Variants in MFGE8 observed in about 807,000 individuals in gnomAD.
MFGE8 encodes the protein lactadherin.
In MFGE8, 34 loss-of-function variants were observed where a neutral mutation model predicts 42.6. The ratio of observed to expected loss-of-function variants is 0.80; its 90% CI spans 0.61 to 1.06. The LOEUF is 1.06. Among genes scored for constraint, MFGE8 ranks in the 50% least tolerant of loss-of-function variants. MFGE8 has a pLI of 0.00. For synonymous variants in MFGE8, 230 were observed against 214.8 expected, an observed-to-expected ratio of 1.07 and a Z score of -0.62; for missense variants, 510 against 516.9, an observed-to-expected ratio of 0.99 and a Z score of 0.13.
At position 88,913,110 on chromosome 15, in the gene MFGE8, C is replaced by G. The variant is rs531683809; in HGVS notation, c.73+137G>C. On this transcript the variant is annotated intron_variant, in intron 1 of 7. Transcript: ENST00000268150. ...TCCCGCCAGGGCGCAGCGGAAGAAG[C>G]CGCCCCTCTGCCCAGCCCGGTCCCC... 660 of 1,320,274 alleles carry G rather than the reference C, an allele frequency of 5.0e-4. 7 individuals are homozygous for G. In the East Asian group the frequency reaches 0.017, roughly 34 times the overall value. 81.8% of individuals were successfully genotyped at this position (1,320,274 alleles called of 1,614,324 possible).
chr15:88,899,574 C>G lies in MFGE8; in HGVS notation c.1027-42G>C, dbSNP rs765098768. The G allele has an allele frequency of 1.2e-6, 2 of 1,614,164 alleles. No homozygotes were observed. Among genetic ancestry groups the G allele is most frequent in the East Asian group, 2.2e-5 (1 of 44,882 alleles). On this transcript the variant is annotated intron_variant, in intron 7 of 7. Coordinates refer to ENST00000268150, the MANE Select transcript of MFGE8 (RefSeq NM_005928.4). The surrounding 1 kb of genome is among the most constrained non-coding windows in gnomAD (Gnocchi z 6.8). Reference sequence around the variant, plus strand: ...TGTCAGGAGGACCCCGAGCCAGCCCCCCTCCCCTCAGAGCCCCAGGCCAGA... The same window carrying G: ...TGTCAGGAGGACCCCGAGCCAGCCCGCCTCCCCTCAGAGCCCCAGGCCAGA...
rs562582679 is a variant in MFGE8, at chr15:88,912,167, C to A, written c.73+1080G>T. 1.5e-4 allele frequency: 197 copies of A among 1,289,854 alleles called. 1 individual carries two copies. Among genetic ancestry groups the A allele is most frequent in the South Asian group, 1.0e-3 (81 of 81,028 alleles). The allele number at this position is 1,289,854 out of a possible 1,614,324, so 79.9% of individuals were successfully genotyped here. On this transcript the variant is annotated intron_variant, in intron 1 of 7. Coordinates refer to ENST00000268150, the MANE Select transcript of MFGE8 (RefSeq NM_005928.4). ...TGGTGTTTCCTCCTTCTGGAAAAGG[C>A]CACATCACCCTGTATAAAAACATCT...
At chr15:88,912,313 G>T (rs1037726047) in intron 1 of MFGE8, 17 of 1,272,732 alleles carry the variant, frequency 1.3e-5, no homozygotes, top group Non-Finnish European at 1.6e-5. Context: ...TTTCATGGTG[G>T]CCGGGGAGGG....
In MFGE8 at chr15:88,902,060, A is replaced by C; in HGVS notation, c.686-325T>G. 2.6e-6 allele frequency: 1 copy of C among 380,782 alleles called. No homozygotes were observed. Among genetic ancestry groups the C allele is most frequent in the Non-Finnish European group, 5.0e-6 (1 of 198,032 alleles). The allele number at this position is 380,782 out of a possible 1,614,324, so 23.6% of individuals were successfully genotyped here. A position where few individuals can be genotyped will look rare whatever the true frequency, so the allele number is the denominator to read the frequency against. ...TCCTTCAATGCCTGACTTTGGAGAC[A>C]CCTCCTCCAAGAAGTCTGCCCTGAC... On this transcript the variant is annotated intron_variant, in intron 5 of 7. Coordinates refer to ENST00000268150, the MANE Select transcript of MFGE8 (RefSeq NM_005928.4). The surrounding 1 kb of genome is among the most constrained non-coding windows in gnomAD (Gnocchi z 4.3).
rs938554056 is a variant in MFGE8, at chr15:88,898,749, G to C, written c.*646C>G. Reference sequence around the variant, plus strand: ...TCCTCTGGGGTGAAAAGCCAGCATAGAGGGCCCCAAACGCCCACCCTGCCA... The same window carrying C: ...TCCTCTGGGGTGAAAAGCCAGCATACAGGGCCCCAAACGCCCACCCTGCCA... On this transcript the variant is annotated 3_prime_UTR_variant, in exon 8 of 8. Coordinates refer to ENST00000268150, the MANE Select transcript of MFGE8 (RefSeq NM_005928.4). The C allele has an allele frequency of 2.5e-5, 4 of 156,918 alleles. No individual in the cohort carries two copies. Among genetic ancestry groups the C allele is most frequent in the African/African-American group, 9.6e-5 (4 of 41,558 alleles). The allele number at this position is 156,918 out of a possible 1,614,324, so 9.7% of individuals were successfully genotyped here. A position where few individuals can be genotyped will look rare whatever the true frequency, so the allele number is the denominator to read the frequency against.
rs760320950 is a variant in MFGE8, at chr15:88,907,213, G to A, written c.369C>T (p.Asp123=). 9.9e-6 allele frequency: 16 copies of A among 1,613,792 alleles called. No individual in the cohort carries two copies. In the African/African-American group the frequency reaches 1.1e-4, roughly 11 times the overall value. Residue 123 remains aspartate (D), a synonymous_variant, in exon 3 of 8, where the codon GAC becomes GAT. Transcript: ENST00000268150. ...MVNAWTPSSN[D]DNPWIQVNLL... is the part of the protein sequence containing the mutation. ...GGCATACCTGGATCCAGGGGTTATC[G>A]TCATTGCTGCTGGGTGTCCAGGCAT...
In MFGE8 at chr15:88,905,570, AGCAAACACCTGG is replaced by A. The variant is rs1285316859; in HGVS notation, c.685+175_685+186del. 2 of 758,872 alleles carry A rather than the reference AGCAAACACCTGG, an allele frequency of 2.6e-6. No homozygotes were observed. The allele number at this position is 758,872 out of a possible 1,614,324, so 47.0% of individuals were successfully genotyped here. On this transcript the variant is annotated intron_variant, in intron 5 of 7. Transcript: ENST00000268150. The surrounding 1 kb of genome is among the most constrained non-coding windows in gnomAD (Gnocchi z 6.6). The stretch of plus-strand genomic sequence containing the variant: ...TGCCCTGGGTCATGGGTTGGCAGAC[AGCAAACACCTGG>A]GTGGGGCTGCTATGGCCAGGTGACC...
At chr15:88,913,218 A>T in intron 1 of MFGE8, 29 bp downstream of exon 1, 1 of 1,491,796 alleles carries the variant, frequency 6.7e-7, no homozygotes, top group East Asian at 2.8e-5. Flanking sequence ...AGGAGGGGCG[A>T]GGGGCAGAGG....
chr15:88,900,244 A>G (rs1898298912), intron 6 of MFGE8, among the ~76,000 whole-genome samples: 1 of 71,838 alleles, frequency 1.4e-5, no homozygotes, highest in Non-Finnish European at 3.3e-5. Context: ...TCTGTCTCAG[A>G]AAAAAAAAAA....
chr15:88,901,136 TTCAC>T (rs1898368632), intron 6 of MFGE8, among the ~76,000 whole-genome samples: 1 of 69,058 alleles, frequency 1.4e-5, no homozygotes, highest in African/African-American at 5.8e-5. Flanking sequence ...CACACACACA[TTCAC>T]ACACACATTC....
At chr15:88,900,434 G>A (rs1898308466) in intron 6 of MFGE8, among the ~76,000 whole-genome samples, 1 of 152,166 alleles carries the variant, frequency 6.6e-6, no homozygotes, top group Admixed American at 6.5e-5. Flanking sequence ...CAGCCTGGAG[G>A]GGCATGAACT....
rs754991839 is a variant in MFGE8, at chr15:88,901,224, TAC to T, written c.870+325_870+326del. Among the ~76,000 whole-genome samples, 143 of 82,168 alleles carry T rather than the reference TAC, an allele frequency of 1.7e-3. 15 individuals are homozygous for T. The East Asian group carries it at 0.037, about 21-fold the overall frequency. 53.9% of individuals were successfully genotyped at this position (82,168 alleles called of 152,430 possible). A position where few individuals can be genotyped will look rare whatever the true frequency, so the allele number is the denominator to read the frequency against. On this transcript the variant is annotated intron_variant, in intron 6 of 7. Coordinates refer to ENST00000268150, the MANE Select transcript of MFGE8 (RefSeq NM_005928.4). ...ACATTCACACACACACATTCACACA[TAC>T]ACATTCACACACACATTCACACGCA...
chr15:88,901,569 A>AC lies in MFGE8; in HGVS notation c.851dup (p.Asn285Ter). ...GACCCACCTGCAGCCACTGATCGTT[A>AC]CCGTAGCTCCCCGCAACCCAGGCGT... On this transcript the variant is annotated frameshift_variant, in exon 6 of 8. Coordinates refer to ENST00000268150, the MANE Select transcript of MFGE8 (RefSeq NM_005928.4). LOFTEE classifies it high-confidence loss of function. The AC allele has an allele frequency of 6.7e-7, 1 of 1,490,520 alleles. No homozygotes were observed. The highest frequency in any genetic ancestry group is 9.1e-7 in the Non-Finnish European group (1 of 1,102,898). 92.3% of individuals were successfully genotyped at this position (1,490,520 alleles called of 1,614,324 possible). A position where few individuals can be genotyped will look rare whatever the true frequency, so the allele number is the denominator to read the frequency against.
rs757278054 is a variant in MFGE8 at position 88,899,361 on chromosome 15, GA to G, written c.*33del. 53 of 1,613,042 alleles carry G rather than the reference GA, an allele frequency of 3.3e-5. No individual in the cohort carries two copies. Among genetic ancestry groups the G allele is most frequent in the Admixed American group, 1.8e-4 (11 of 60,004 alleles). ...GAAGCCAAGAGGCAGCGGGCCCATG[GA>G]AAGCAGGAAGACCTGGGGGTGGCAG... On this transcript the variant is annotated 3_prime_UTR_variant, in exon 8 of 8. Coordinates refer to ENST00000268150, the MANE Select transcript of MFGE8 (RefSeq NM_005928.4). This position sits in a 1 kb window ranked among gnomAD's most constrained non-coding sequence, Gnocchi z 6.8.
At chr15:88,901,304 C>CCCACACACACAT (rs1567215000) in intron 6 of MFGE8, among the ~76,000 whole-genome samples, 1 of 85,870 alleles carries the variant, frequency 1.2e-5, no homozygotes, top group African/African-American at 3.5e-5. Context: ...CATTCACACA[C>CCCACACACACAT]TCACACACAC....
rs757241593 is a variant in MFGE8, at chr15:88,907,402, G to A, written c.206-26C>T. ...CTGAGGGAAGGGAGGTGGCAGTCAG[G>A]TGGCTACCCCAGCAGGTTCCCGGGC... is the stretch of plus-strand genomic sequence containing the variant. On this transcript the variant is annotated intron_variant, in intron 2 of 7. Transcript: ENST00000268150. 9.3e-6 allele frequency: 15 copies of A among 1,612,054 alleles called. No homozygotes were observed. In the Admixed American group the frequency reaches 1.8e-4, roughly 20 times the overall value.
rs1192319506 is a variant in MFGE8 at position 88,899,193 on chromosome 15, G to T, written c.*202C>A. 1 of 679,964 alleles carries T rather than the reference G, an allele frequency of 1.5e-6. No individual in the cohort carries two copies. Among genetic ancestry groups the T allele is most frequent in the Admixed American group, 2.4e-5 (1 of 40,824 alleles). 42.1% of individuals were successfully genotyped at this position (679,964 alleles called of 1,614,324 possible). Reference sequence around the variant, plus strand: ...AGGACAGTGAGGACTGGGGGTTAGGGGACGGGGCTTAGGGGCTGGGGCAGG... The same window carrying T: ...AGGACAGTGAGGACTGGGGGTTAGGTGACGGGGCTTAGGGGCTGGGGCAGG... On this transcript the variant is annotated 3_prime_UTR_variant, in exon 8 of 8. Transcript: ENST00000268150. This position sits in a 1 kb window ranked among gnomAD's most constrained non-coding sequence, Gnocchi z 6.8.
chr15:88,907,647 G>T (rs1039116272), intron 2 of MFGE8, among the ~76,000 whole-genome samples: 2 of 151,882 alleles, frequency 1.3e-5, no homozygotes, highest in African/African-American at 4.8e-5. Context: ...GCTGCCAGAG[G>T]ATCCCAGCCA....
chr15:88,901,379 A>G (rs1383926837), intron 6 of MFGE8, among the ~76,000 whole-genome samples, 172 bp downstream of exon 6: 1 of 152,208 alleles, frequency 6.6e-6, no homozygotes, highest in Non-Finnish European at 1.5e-5. Context: ...AGCAGGATCA[A>G]GAGAAGGGAG....
Sources: gnomAD v4.1 joint callset for allele counts (sites outside exome capture counted in the v4.1 genomes callset) on GRCh38, gnomAD v4.1.1 for gene constraint, Gnocchi (gnomAD v3.1) non-coding constraint, MANE v1.5 for transcripts, NCBI Gene and HGNC (gene_info 2026-07-23, HGNC 2026-07-21) for gene names.